Variants in ZEB1 observed in about 807,000 individuals in gnomAD.
ZEB1 encodes zinc finger E-box binding homeobox 1.
Under a neutral mutation model 84.9 loss-of-function variants are expected in ZEB1, and 21 were observed. That is an observed-to-expected ratio of 0.25 (90% CI 0.18 to 0.36). The LOEUF is 0.36. Ranked by LOEUF, ZEB1 falls within the 10% of genes least tolerant of loss-of-function variation. ZEB1 has a pLI of 1.00. For missense variants in ZEB1, 1,104 were observed against 1,330.2 expected (o/e 0.83, Z 2.65); for synonymous variants, 420 against 471.1 (o/e 0.89, Z 1.41).
intron 1 of ZEB1, among the ~76,000 whole-genome samples, chr10:31,397,400 C>T (rs906762452): frequency 4.0e-5 from 6 of 151,698 alleles, no homozygotes; most frequent in African/African-American, 1.2e-4. Flanking sequence ...TTATCAATTC[C>T]GTGGCTTTCA....
chr10:31,516,199 T>G (rs1484961275), intron 6 of ZEB1, among the ~76,000 whole-genome samples: 1 of 152,036 alleles, frequency 6.6e-6, no homozygotes, highest in African/African-American at 2.4e-5. Context: ...ATGAGCTGAC[T>G]GTATGCTGAT....
chr10:31,496,531 C>T (rs1380685285), intron 3 of ZEB1, among the ~76,000 whole-genome samples: 1 of 151,882 alleles, frequency 6.6e-6, no homozygotes, highest in Non-Finnish European at 1.5e-5. Flanking sequence ...ATAGTAATAC[C>T]AGTCACTTTT....
rs571831319 is a variant in ZEB1, at chr10:31,319,285, C to T, written c.51C>T (p.Arg17=). 11 of 1,607,836 alleles carry T rather than the reference C, an allele frequency of 6.8e-6. No homozygotes were observed. The South Asian group carries it at 1.1e-4, about 16-fold the overall frequency. Residue 17 remains arginine, a synonymous_variant, in exon 1 of 9, where the codon CGC becomes CGT. Coordinates refer to ENST00000424869, the MANE Select transcript of ZEB1 (RefSeq NM_001174096.2). ...GCAGAAAGCAGGCGAACCCGCGGCG[C>T]AATAACGGTGAGTGGCGGAGGGGAC... ...CKRRKQANPR[R]NNVTNYNTVV...
intron 1 of ZEB1, among the ~76,000 whole-genome samples, chr10:31,454,145 C>A (rs892521737): frequency 1.3e-4 from 20 of 152,142 alleles, no homozygotes; most frequent in Non-Finnish European, 2.6e-4. Context: ...ATAAATGGAA[C>A]AAATCACAAA....
chr10:31,382,910 TATG>T (rs1326807072), intron 1 of ZEB1, among the ~76,000 whole-genome samples: 1 of 151,870 alleles, frequency 6.6e-6, no homozygotes, highest in Non-Finnish European at 1.5e-5. Context: ...AATAAAGAAA[TATG>T]AGGTTTTTTT....
intron 2 of ZEB1, among the ~76,000 whole-genome samples, chr10:31,487,288 T>C (rs1482399605): frequency 6.6e-6 from 1 of 151,468 alleles, no homozygotes; most frequent in African/African-American, 2.4e-5. Flanking sequence ...TTAAAAATAA[T>C]CATGCTGAAA....
At chr10:31,455,947 C>T (rs975524599) in intron 1 of ZEB1, among the ~76,000 whole-genome samples, 1 of 152,180 alleles carries the variant, frequency 6.6e-6, no homozygotes, top group African/African-American at 2.4e-5. Context: ...GCTATAAAGA[C>T]ACATGCACAC....
intron 1 of ZEB1, among the ~76,000 whole-genome samples, chr10:31,334,761 T>G (rs1457106139): frequency 6.6e-6 from 1 of 152,060 alleles, no homozygotes; most frequent in Non-Finnish European, 1.5e-5. Flanking sequence ...TCATGAATGA[T>G]CAACTTTATT....
intron 1 of ZEB1, among the ~76,000 whole-genome samples, chr10:31,458,539 A>C (rs917127863): frequency 2.0e-5 from 3 of 152,068 alleles, no homozygotes; most frequent in Admixed American, 2.0e-4. Context: ...CCATCTTGAC[A>C]CGTATTTTCT....
chr10:31,353,769 A>G (rs2041681254), intron 1 of ZEB1, among the ~76,000 whole-genome samples: 1 of 152,234 alleles, frequency 6.6e-6, no homozygotes, highest in African/African-American at 2.4e-5. Context: ...ATTAGTCACC[A>G]GCACCACCAA....
At chr10:31,437,711 G>A (rs930295893) in intron 1 of ZEB1, among the ~76,000 whole-genome samples, 2 of 152,118 alleles carry the variant, frequency 1.3e-5, no homozygotes, top group Non-Finnish European at 2.9e-5. Context: ...GGGAGGATCC[G>A]TCCTCAAACT....
intron 1 of ZEB1, among the ~76,000 whole-genome samples, chr10:31,455,491 G>A (rs1471444460): frequency 2.6e-5 from 4 of 152,028 alleles, no homozygotes; most frequent in South Asian, 2.1e-4. Flanking sequence ...CAGAATGGGA[G>A]AAAATTTTTG....
chr10:31,387,734 A>T, intron 1 of ZEB1: 2 of 985,000 alleles, frequency 2.0e-6, no homozygotes, highest in Non-Finnish European at 2.4e-6. Context: ...AGCCCCTCAA[A>T]CCATTTTGTA....
chr10:31,324,662 A>G (rs1293537702), intron 1 of ZEB1, among the ~76,000 whole-genome samples: 1 of 152,082 alleles, frequency 6.6e-6, no homozygotes, highest in Non-Finnish European at 1.5e-5. Flanking sequence ...TTATGTGGAA[A>G]TGCATGCTCT....
intron 1 of ZEB1, among the ~76,000 whole-genome samples, chr10:31,408,292 T>C (rs1564751377): frequency 6.6e-6 from 1 of 150,614 alleles, no homozygotes; most frequent in Non-Finnish European, 1.5e-5. Context: ...CTAGGAAGAA[T>C]CAATATCGTG....
At chr10:31,510,587 T>G in intron 4 of ZEB1, 86 bp from the exon 5 acceptor site, 2 of 1,088,092 alleles carry the variant, frequency 1.8e-6, no homozygotes, top group Non-Finnish European at 2.8e-6. Context: ...GCACAATATC[T>G]GGAACATAGC....
chr10:31,443,079 T>C (rs1394950546), intron 1 of ZEB1, among the ~76,000 whole-genome samples: 2 of 152,186 alleles, frequency 1.3e-5, no homozygotes, highest in African/African-American at 4.8e-5. Context: ...GTTGAGAGTG[T>C]ACGTGAGAAG....
intron 2 of ZEB1, among the ~76,000 whole-genome samples, chr10:31,488,166 T>A (rs2065987150): frequency 6.6e-6 from 1 of 151,328 alleles, no homozygotes. Context: ...CTTCTTTAAA[T>A]ATCTGATAAA....
chr10:31,364,645 C>A (rs2134236071), intron 1 of ZEB1, among the ~76,000 whole-genome samples: 1 of 152,358 alleles, frequency 6.6e-6, no homozygotes. Flanking sequence ...TGACTGGATG[C>A]ACCTCTTACC....
Sources: gnomAD v4.1 joint callset for allele counts (sites outside exome capture counted in the v4.1 genomes callset) on GRCh38, gnomAD v4.1.1 for gene constraint, MANE v1.5 for transcripts, NCBI Gene and HGNC (gene_info 2026-07-23, HGNC 2026-07-21) for gene names.